The following ZFHX3 variants were observed in gnomAD, a reference collection of about 807,000 sequenced individuals.
ZFHX3 encodes zinc finger homeobox protein 3.
In ZFHX3, 42 loss-of-function variants were observed where a neutral mutation model predicts 279.1. That is an observed-to-expected ratio of 0.15 (90% CI 0.12 to 0.19). The LOEUF is 0.19. Among genes scored for constraint, ZFHX3 ranks in the 10% least tolerant of loss-of-function variants. The pLI, the probability that ZFHX3 is intolerant of heterozygous loss-of-function variation, is 1.00. For synonymous variants in ZFHX3, 2,293 were observed against 1,957.8 expected, an observed-to-expected ratio of 1.17 and a Z score of -4.52; for missense variants, 4,981 against 4,754.0, an observed-to-expected ratio of 1.05 and a Z score of -1.40.
intron 4 of ZFHX3, among the ~76,000 whole-genome samples, chr16:73,317,521 A>C (rs989069596): frequency 1.8e-4 from 27 of 152,174 alleles, no homozygotes; most frequent in African/African-American, 6.3e-4. Context: ...CAGGAGAGAA[A>C]ATAGCATAAT....
chr16:73,020,602 A>G (rs1303717499), intron 1 of ZFHX3, among the ~76,000 whole-genome samples: 1 of 152,222 alleles, frequency 6.6e-6, no homozygotes, highest in South Asian at 2.1e-4. Flanking sequence ...CTTGTCGACC[A>G]TGACTCAGCA....
chr16:73,556,214 C>A (rs1242485409), intron 2 of ZFHX3, among the ~76,000 whole-genome samples: 1 of 152,128 alleles, frequency 6.6e-6, no homozygotes, highest in Non-Finnish European at 1.5e-5. Flanking sequence ...TTCATAACAG[C>A]CACTGCCTAA....
At chr16:73,210,269 T>G (rs184218866) in intron 5 of ZFHX3, among the ~76,000 whole-genome samples, 3 of 152,272 alleles carry the variant, frequency 2.0e-5, no homozygotes, top group East Asian at 3.9e-4. Flanking sequence ...TTAGCTGTGC[T>G]CTAACACTGA....
At chr16:73,129,432 A>C (rs1191821977) in intron 7 of ZFHX3, among the ~76,000 whole-genome samples, 1 of 148,032 alleles carries the variant, frequency 6.8e-6, no homozygotes, top group Admixed American at 7.1e-5. Context: ...AGTGATATCT[A>C]GTGTCAGTCT....
intron 1 of ZFHX3, among the ~76,000 whole-genome samples, chr16:73,736,831 G>T (rs1298529437): frequency 6.6e-6 from 1 of 152,160 alleles, no homozygotes; most frequent in African/African-American, 2.4e-5. Flanking sequence ...CCCAAACAGG[G>T]GTATTGTTAG....
chr16:73,572,074 C>G (rs2051744243), intron 2 of ZFHX3, among the ~76,000 whole-genome samples: 1 of 151,460 alleles, frequency 6.6e-6, no homozygotes, highest in Admixed American at 6.6e-5. Flanking sequence ...TTAACAGCTA[C>G]CCAGGCAGGA....
At chr16:73,141,234 G>C (rs919206764) in intron 6 of ZFHX3, among the ~76,000 whole-genome samples, 1 of 152,176 alleles carries the variant, frequency 6.6e-6, no homozygotes, top group African/African-American at 2.4e-5. Flanking sequence ...GATTGTATCA[G>C]TGGGAACTCA....
chr16:73,326,076 G>A (rs1370392679), intron 3 of ZFHX3, among the ~76,000 whole-genome samples: 1 of 152,148 alleles, frequency 6.6e-6, no homozygotes, highest in East Asian at 1.9e-4. Flanking sequence ...CCCAGGAAAG[G>A]GATGGTCCTT....
intron 1 of ZFHX3, among the ~76,000 whole-genome samples, chr16:73,020,054 A>T (rs542847786): frequency 2.2e-4 from 33 of 152,236 alleles, no homozygotes; most frequent in African/African-American, 7.7e-4. Context: ...ACCCTGCAAC[A>T]TCTCACACAG....
intron 3 of ZFHX3, among the ~76,000 whole-genome samples, chr16:73,348,408 C>T (rs1422831298): frequency 6.6e-6 from 1 of 152,218 alleles, no homozygotes; most frequent in African/African-American, 2.4e-5. Flanking sequence ...GTCCTCCTCC[C>T]AGCCCCCCAA....
chr16:73,682,828 G>A (rs77536210), intron 1 of ZFHX3, among the ~76,000 whole-genome samples: 2 of 143,928 alleles, frequency 1.4e-5, no homozygotes, highest in Non-Finnish European at 3.0e-5. Flanking sequence ...AAGAGAAAAG[G>A]AGAGAGAGAG....
intron 5 of ZFHX3, among the ~76,000 whole-genome samples, chr16:73,144,087 A>G (rs1966854480): frequency 2.0e-5 from 3 of 152,210 alleles, no homozygotes; most frequent in Admixed American, 6.6e-5. Context: ...GGCATTTTTA[A>G]AAATGAAACT....
chr16:73,237,920 C>G (rs139246903), intron 5 of ZFHX3, among the ~76,000 whole-genome samples: 2 of 152,272 alleles, frequency 1.3e-5, no homozygotes, highest in East Asian at 3.9e-4. Flanking sequence ...TACATTTGTA[C>G]TATTTTTACT....
intron 3 of ZFHX3, among the ~76,000 whole-genome samples, chr16:73,364,122 G>T (rs889184951): frequency 3.3e-5 from 5 of 151,486 alleles, no homozygotes. Context: ...GCAGTGAGCC[G>T]AAATGGTACC....
At chr16:72,923,253 G>C (rs931113336) in intron 3 of ZFHX3, among the ~76,000 whole-genome samples, 1 of 152,042 alleles carries the variant, frequency 6.6e-6, no homozygotes, top group African/African-American at 2.4e-5. Context: ...ACACCAGCCT[G>C]GGCAACATGG....
At chr16:72,963,979 G>T (rs1961707760) in intron 1 of ZFHX3, among the ~76,000 whole-genome samples, 1 of 152,234 alleles carries the variant, frequency 6.6e-6, no homozygotes, top group African/African-American at 2.4e-5. Flanking sequence ...GAAAAACAAA[G>T]AGAGAATAGA....
chr16:73,682,267 C>A (rs1345347297), intron 1 of ZFHX3, among the ~76,000 whole-genome samples: 5 of 152,010 alleles, frequency 3.3e-5, no homozygotes, highest in African/African-American at 4.8e-5. Flanking sequence ...TATCATTATC[C>A]TGAAATCTTT....
chr16:73,432,399 A>G (rs1178866738), intron 3 of ZFHX3, among the ~76,000 whole-genome samples: 2 of 152,196 alleles, frequency 1.3e-5, no homozygotes, highest in Admixed American at 6.5e-5. Flanking sequence ...AAGCAGATCA[A>G]TTGGAGTGAG....
intron 2 of ZFHX3, chr16:73,558,386 T>A (rs1457172789): frequency 6.6e-6 from 1 of 152,244 alleles, no homozygotes; most frequent in Non-Finnish European, 1.5e-5. Context: ...CCTGGTACTT[T>A]CTAAAGGAAA....
Sources: allele counts gnomAD v4.1 joint callset (sites outside exome capture counted in the v4.1 genomes callset), GRCh38; gene constraint gnomAD v4.1.1; transcripts MANE v1.5; gene names NCBI Gene and HGNC (gene_info 2026-07-23, HGNC 2026-07-21).